TAF10: variants seen among roughly 807,000 people sequenced by gnomAD.
TAF10 encodes the protein TATA-box binding protein associated factor 10.
In TAF10, 2 loss-of-function variants were observed where a neutral mutation model predicts 18.1. The observed-to-expected ratio is 0.11, with a 90% confidence interval of 0.05 to 0.35. The LOEUF is 0.35. Ranked by LOEUF, TAF10 falls within the 10% of genes least tolerant of loss-of-function variation. TAF10 has a pLI of 1.00. For synonymous variants in TAF10, 158 were observed against 134.6 expected, an observed-to-expected ratio of 1.17 and a Z score of -1.20; for missense variants, 293 against 306.9, an observed-to-expected ratio of 0.95 and a Z score of 0.34.
rs1279951909 is a variant in TAF10 at position 6,608,787 on chromosome 11, C to T, written c.*2135G>A. On this transcript the variant is annotated 3_prime_UTR_variant, in exon 5 of 5. Coordinates refer to ENST00000299424, the MANE Select transcript of TAF10 (RefSeq NM_006284.4). This position sits in a 1 kb window ranked among gnomAD's most constrained non-coding sequence, Gnocchi z 4.9. ...CAAGGCACCCCTGAGAGAGCTTCTC[C>T]GAGGTCCATCTCCCCATCCCCTAGC... 4.3e-6 allele frequency: 7 copies of T among 1,613,506 alleles called. No individual in the cohort carries two copies. Among genetic ancestry groups the T allele is most frequent in the Middle Eastern group, 1.6e-4 (1 of 6,062 alleles).
chr11:6,608,682 T>C lies in TAF10; in HGVS notation c.*2240A>G. 2 of 1,610,642 alleles carry C rather than the reference T, an allele frequency of 1.2e-6. No homozygotes were observed. Among genetic ancestry groups the C allele is most frequent in the Middle Eastern group, 1.7e-4 (1 of 6,058 alleles). ...AGCAGTGGCTCTCATCATAATGGCC[T>C]TTTCATTCCAGGACCTGGTGGCAAA... On this transcript the variant is annotated 3_prime_UTR_variant, in exon 5 of 5. Coordinates refer to ENST00000299424, the MANE Select transcript of TAF10 (RefSeq NM_006284.4). This position sits in a 1 kb window ranked among gnomAD's most constrained non-coding sequence, Gnocchi z 4.9.
chr11:6,611,697 G>A lies in TAF10; in HGVS notation c.354C>T (p.Asp118=), dbSNP rs779316724. 43 of 1,605,600 alleles carry A rather than the reference G, an allele frequency of 2.7e-5. No homozygotes were observed. Among genetic ancestry groups the A allele is most frequent in the Non-Finnish European group, 3.1e-5 (37 of 1,175,342 alleles). The change falls in exon 2 of 5, where the codon GAC becomes GAT. Residue 118 remains aspartate (D), a synonymous_variant. Transcript: ENST00000299424. ...TGTAATCTTCCAGCTGCATCAAGAA[G>A]TCCACCAAAGGCGTGCTGGACACCA... ...KPVVSSTPLV[D]FLMQLEDYTP...
rs183179212 is a variant in TAF10, at chr11:6,607,695, T to C, written c.*3227A>G. On this transcript the variant is annotated 3_prime_UTR_variant, in exon 5 of 5. Coordinates refer to ENST00000299424, the MANE Select transcript of TAF10 (RefSeq NM_006284.4). Reference sequence around the variant, plus strand: ...CAATCCAGTGCAACAAGTGCTGAAGTAGGGGGACATATAAGATGTGGTGGA... The same window carrying C: ...CAATCCAGTGCAACAAGTGCTGAAGCAGGGGGACATATAAGATGTGGTGGA... 2.0e-5 allele frequency: 7 copies of C among 344,004 alleles called. No individual in the cohort carries two copies. The highest frequency in any genetic ancestry group is 1.3e-4 in the South Asian group (5 of 39,548). The allele number at this position is 344,004 out of a possible 1,614,324, so 21.3% of individuals were successfully genotyped here.
At position 6,607,640 on chromosome 11, in the gene TAF10, CAGACA is replaced by C. The variant is rs1436512182; in HGVS notation, c.*3277_*3281del. 1 of 279,510 alleles carries C rather than the reference CAGACA, an allele frequency of 3.6e-6. No homozygotes were observed. Among genetic ancestry groups the C allele is most frequent in the African/African-American group, 2.2e-5 (1 of 45,330 alleles). 17.3% of individuals were successfully genotyped at this position (279,510 alleles called of 1,614,324 possible). On this transcript the variant is annotated 3_prime_UTR_variant, in exon 5 of 5. Coordinates refer to ENST00000299424, the MANE Select transcript of TAF10 (RefSeq NM_006284.4). ...TCCCTCAAGAAACTTAAAGGTCTAA[CAGACA>C]AGACAGTCCATTAACAGATTTTTAC...
intron 1 of TAF10, 64 bp from the exon 2 acceptor site, chr11:6,611,882 C>G: frequency 6.4e-7 from 1 of 1,565,852 alleles, no homozygotes. Flanking sequence ...CTAGGTCTGT[C>G]TATACCCTCT....
intron 2 of TAF10, 74 bp from the exon 3 acceptor site, chr11:6,611,526 G>A (rs892330161): frequency 1.2e-6 from 2 of 1,600,838 alleles, no homozygotes; most frequent in Non-Finnish European, 1.7e-6. Flanking sequence ...TGATTATCAG[G>A]AAGCTCACAG....
In TAF10 at chr11:6,610,651, C is replaced by A. The variant is rs372063833; in HGVS notation, c.*271G>T. 1.2e-4 allele frequency: 188 copies of A among 1,613,288 alleles called. No individual in the cohort carries two copies. In the African/African-American group the frequency reaches 2.4e-3, roughly 20 times the overall value. On this transcript the variant is annotated 3_prime_UTR_variant, in exon 5 of 5. Coordinates refer to ENST00000299424, the MANE Select transcript of TAF10 (RefSeq NM_006284.4). ...TGCCTGAACTCCAGAGGTGTCGGGA[C>A]ATGGTTGGGGGAATGCACCTCCCCA...
intron 1 of TAF10, 60 bp from the exon 2 acceptor site, chr11:6,611,878 C>G: frequency 2.5e-6 from 4 of 1,569,538 alleles, no homozygotes; most frequent in Non-Finnish European, 3.4e-6. Context: ...CCAGCTAGGT[C>G]TGTCTATACC....
In TAF10 at chr11:6,606,804, C is replaced by T. The variant is rs547128846; in HGVS notation, c.*4118G>A. ...AACCCTTGTGCCCATACTTTTGCCC[C>T]CCGAGTTTGGCCTGCCCTGGCGCCA... On this transcript the variant is annotated 3_prime_UTR_variant, in exon 5 of 5. Transcript: ENST00000299424. 4.4e-4 allele frequency: 67 copies of T among 152,236 alleles called. No individual in the cohort carries two copies. Among genetic ancestry groups the T allele is most frequent in the African/African-American group, 1.5e-3 (64 of 41,522 alleles). 9.4% of individuals were successfully genotyped at this position (152,236 alleles called of 1,614,324 possible).
In TAF10 at chr11:6,610,965, C is replaced by G; in HGVS notation, c.614G>C (p.Ser205Thr). 6.2e-7 allele frequency: 1 copy of G among 1,614,196 alleles called. No individual in the cohort carries two copies. The highest frequency in any genetic ancestry group is 8.5e-7 in the Non-Finnish European group (1 of 1,180,048). Residue 205 changes from serine (S) to threonine (T), a missense_variant, in exon 5 of 5, where the codon AGC becomes ACC. Transcript: ENST00000299424. ...CTTCTTCACATTGATGCCATACTCG[C>G]TGAGGGCAGGGGTCAAGTCCTCCAT... ...LTMEDLTPAL[S>T]EYGINVKKPH...
Position 6,608,541 on chromosome 11 carries a change from C to T in TAF10, c.*2381G>A. The T allele has an allele frequency of 6.6e-7, 1 of 1,507,238 alleles. No individual in the cohort carries two copies. The highest frequency in any genetic ancestry group is 9.2e-7 in the Non-Finnish European group (1 of 1,082,776). The allele number at this position is 1,507,238 out of a possible 1,614,324, so 93.4% of individuals were successfully genotyped here. A position where few individuals can be genotyped will look rare whatever the true frequency, so the allele number is the denominator to read the frequency against. ...GATGGGTAGGAAGTAAAGTCTGAGC[C>T]TTGGTGGGAGATTTTGGAACCCTCA... On this transcript the variant is annotated 3_prime_UTR_variant, in exon 5 of 5. Coordinates refer to ENST00000299424, the MANE Select transcript of TAF10 (RefSeq NM_006284.4). This position sits in a 1 kb window ranked among gnomAD's most constrained non-coding sequence, Gnocchi z 4.9.
Position 6,611,235 on chromosome 11 carries a change from C to G in TAF10, c.521G>C (p.Cys174Ser). ...SDIANDALQH[C>S]KMKGTASGSS... is the part of the protein sequence containing the mutation. Reference sequence around the variant, plus strand: ...GCCGGAGGCCGTGCCCTTCATTTTGCAGTGCTGTAGGGCATCATTGGCAAT... The same window carrying G: ...GCCGGAGGCCGTGCCCTTCATTTTGGAGTGCTGTAGGGCATCATTGGCAAT... Residue 174 changes from cysteine to serine, a missense_variant, in exon 4 of 5, where the codon TGC becomes TCC. Physicochemically the swap from Cys to Ser is moderately radical, Grantham distance 112 (BLOSUM62 -1). Coordinates refer to ENST00000299424, the MANE Select transcript of TAF10 (RefSeq NM_006284.4). 1 of 1,614,104 alleles carries G rather than the reference C, an allele frequency of 6.2e-7. No individual in the cohort carries two copies. Among genetic ancestry groups the G allele is most frequent in the Non-Finnish European group, 8.5e-7 (1 of 1,180,026 alleles).
chr11:6,609,672 A>G lies in TAF10; in HGVS notation c.*1250T>C. On this transcript the variant is annotated 3_prime_UTR_variant, in exon 5 of 5. Transcript: ENST00000299424. The stretch of plus-strand genomic sequence containing the variant: ...GGGATGTTGAATTTCCTTGGGGAGG[A>G]AATGGCAGAGAGGGAGCCTCTCTGA... 6.2e-7 allele frequency: 1 copy of G among 1,614,106 alleles called. No homozygotes were observed. The highest frequency in any genetic ancestry group is 1.1e-5 in the South Asian group (1 of 91,076).
At position 6,610,737 on chromosome 11, in the gene TAF10, G is replaced by A. The variant is rs1448081505; in HGVS notation, c.*185C>T. 2 of 1,373,008 alleles carry A rather than the reference G, an allele frequency of 1.5e-6. No homozygotes were observed. The highest frequency in any genetic ancestry group is 2.1e-6 in the Non-Finnish European group (2 of 974,378). The allele number at this position is 1,373,008 out of a possible 1,614,324, so 85.1% of individuals were successfully genotyped here. A position where few individuals can be genotyped will look rare whatever the true frequency, so the allele number is the denominator to read the frequency against. On this transcript the variant is annotated 3_prime_UTR_variant, in exon 5 of 5. Transcript: ENST00000299424. ...GTCATGGTACTACCCCAGCCATGGG[G>A]TCCATCCCCTTCCCCCATCCCTACC...
rs1230446340 is a variant in TAF10, at chr11:6,608,992, G to A, written c.*1930C>T. The A allele has an allele frequency of 6.2e-7, 1 of 1,613,594 alleles. No homozygotes were observed. Among genetic ancestry groups the A allele is most frequent in the African/African-American group, 1.3e-5 (1 of 74,900 alleles). Reference sequence around the variant, plus strand: ...CGTGAGTCACCACTGTGGGAAGAAGGGTTGTAAAAGGAAATAATCCTGGCC... The same window carrying A: ...CGTGAGTCACCACTGTGGGAAGAAGAGTTGTAAAAGGAAATAATCCTGGCC... On this transcript the variant is annotated 3_prime_UTR_variant, in exon 5 of 5. Transcript: ENST00000299424. This position sits in a 1 kb window ranked among gnomAD's most constrained non-coding sequence, Gnocchi z 4.9.
At position 6,610,312 on chromosome 11, in the gene TAF10, G is replaced by A. The variant is rs750647997; in HGVS notation, c.*610C>T. The A allele has an allele frequency of 3.1e-5, 50 of 1,613,874 alleles. No individual in the cohort carries two copies. The highest frequency in any genetic ancestry group is 4.2e-5 in the Non-Finnish European group (50 of 1,180,040). On this transcript the variant is annotated 3_prime_UTR_variant, in exon 5 of 5. Transcript: ENST00000299424. ...ACAACAGCATACATTTGTGTTGCGGGAGTGGTTGGTGATGGTGAAAATAAC... is the reference window on the plus strand; with the variant it reads ...ACAACAGCATACATTTGTGTTGCGGAAGTGGTTGGTGATGGTGAAAATAAC...
rs752471878 is a variant in TAF10 at position 6,610,191 on chromosome 11, CAT to C, written c.*729_*730del. ...AAGACACAAACAGACGCTCAGCAGA[CAT>C]GTGGAGTTTTGCAGTGCTTCTGTGG... On this transcript the variant is annotated 3_prime_UTR_variant, in exon 5 of 5. Transcript: ENST00000299424. 22 of 1,614,134 alleles carry C rather than the reference CAT, an allele frequency of 1.4e-5. No individual in the cohort carries two copies. Among genetic ancestry groups the C allele is most frequent in the Non-Finnish European group, 1.7e-5 (20 of 1,180,060 alleles).
Position 6,609,108 on chromosome 11 carries a change from C to A in TAF10, c.*1814G>T. On this transcript the variant is annotated 3_prime_UTR_variant, in exon 5 of 5. Transcript: ENST00000299424. ...TGAACAAACACTCTGGCATTGACTT[C>A]AAACAGCTTAACTTCCTGACGAAGC... The A allele has an allele frequency of 6.2e-7, 1 of 1,614,202 alleles. No homozygotes were observed. Among genetic ancestry groups the A allele is most frequent in the Non-Finnish European group, 8.5e-7 (1 of 1,180,032 alleles).
rs747279291 is a variant in TAF10 at position 6,611,820 on chromosome 11, TGGA to T, written c.233-5_233-3del. The T allele has an allele frequency of 6.2e-7, 1 of 1,604,660 alleles. No homozygotes were observed. The highest frequency in any genetic ancestry group is 8.5e-7 in the Non-Finnish European group (1 of 1,175,286). On this transcript the variant is annotated splice_region_variant and splice_polypyrimidine_tract_variant and intron_variant, in intron 1 of 4. Transcript: ENST00000299424. The stretch of plus-strand genomic sequence containing the variant: ...CCGCGCCACCCGCCGACACCGGAGC[TGGA>T]GGAGAACCAGCAAAATGAGACACAG...
Sources: gnomAD v4.1 joint callset for allele counts on GRCh38, gnomAD v4.1.1 for gene constraint, Gnocchi (gnomAD v3.1) non-coding constraint, MANE v1.5 for transcripts, NCBI Gene and HGNC (gene_info 2026-07-23, HGNC 2026-07-21) for gene names.